The following PHF24 variants were observed in gnomAD, a reference collection of about 807,000 sequenced individuals.
The protein encoded by PHF24 is PHD finger protein 24.
Under a neutral mutation model 42.6 loss-of-function variants are expected in PHF24, and 25 were observed. That is an observed-to-expected ratio of 0.59 (90% CI 0.43 to 0.82). The LOEUF (loss-of-function observed/expected upper bound fraction) is 0.82. Ranked by LOEUF, PHF24 falls within the 40% of genes least tolerant of loss-of-function variation. PHF24 has a pLI of 0.00. For synonymous variants in PHF24, 185 were observed against 204.8 expected (o/e 0.90, Z 0.83); for missense variants, 470 against 538.1 (o/e 0.87, Z 1.25).
the PHF24 span, among the ~76,000 whole-genome samples, chr9:34,904,667 A>C: frequency 6.6e-6 from 1 of 150,956 alleles, no homozygotes; most frequent in South Asian, 2.1e-4. Flanking sequence ...CTCATCAAGG[A>C]TATCAGTCTG....
At chr9:34,731,487 C>T in the PHF24 span, among the ~76,000 whole-genome samples, 2 of 152,104 alleles carry the variant, frequency 1.3e-5, no homozygotes, top group African/African-American at 4.8e-5. Context: ...TCATTCTATT[C>T]TCTATCTCCA....
the PHF24 span, among the ~76,000 whole-genome samples, chr9:34,945,200 C>G: frequency 6.6e-6 from 1 of 152,196 alleles, no homozygotes; most frequent in African/African-American, 2.4e-5. Context: ...CCAAGTACCA[C>G]CCAAGAGGGA....
the PHF24 span, among the ~76,000 whole-genome samples, chr9:34,828,956 T>C: frequency 2.0e-4 from 31 of 152,206 alleles, no homozygotes; most frequent in Admixed American, 1.8e-3. Context: ...TATGTCTGTC[T>C]GTCATCTGCA....
intron 3 of PHF24, among the ~76,000 whole-genome samples, chr9:34,973,997 ATCTTCT>A (rs142417920): frequency 9.9e-5 from 15 of 151,434 alleles, no homozygotes; most frequent in Admixed American, 9.9e-4. Flanking sequence ...CAGCCAACAA[ATCTTCT>A]TCTTCTTTTT....
chr9:34,941,204 G>T, the PHF24 span, among the ~76,000 whole-genome samples: 1 of 152,150 alleles, frequency 6.6e-6, no homozygotes, highest in Non-Finnish European at 1.5e-5. Context: ...GCATCCTAAA[G>T]GATGGTGCCC....
the PHF24 span, among the ~76,000 whole-genome samples, chr9:34,675,073 G>A: frequency 6.6e-6 from 1 of 152,158 alleles, no homozygotes; most frequent in Non-Finnish European, 1.5e-5. Flanking sequence ...GCCCAGGCTG[G>A]TGTCAAACTC....
At chr9:34,816,674 A>G in the PHF24 span, among the ~76,000 whole-genome samples, 2 of 152,220 alleles carry the variant, frequency 1.3e-5, no homozygotes, top group Admixed American at 1.3e-4. Flanking sequence ...TGAGCCTCCC[A>G]AAGTCTCCAC....
the PHF24 span, among the ~76,000 whole-genome samples, chr9:34,673,448 A>G: frequency 2.0e-5 from 3 of 151,348 alleles, no homozygotes; most frequent in South Asian, 6.3e-4. Flanking sequence ...TCTTCTCCTT[A>G]ATGAGAAGCT....
At chr9:34,975,140 G>T (rs1366661924) in intron 3 of PHF24, among the ~76,000 whole-genome samples, 1 of 152,074 alleles carries the variant, frequency 6.6e-6, no homozygotes, top group African/African-American at 2.4e-5. Flanking sequence ...GCTCCCTTTT[G>T]CCCTCAGAAT....
chr9:34,837,592 G>C, the PHF24 span: 4 of 1,302,228 alleles, frequency 3.1e-6, no homozygotes, highest in South Asian at 3.8e-5. Flanking sequence ...GGTCATAGAG[G>C]GACAGGATTC....
the PHF24 span, among the ~76,000 whole-genome samples, chr9:34,890,047 A>G: frequency 6.6e-6 from 1 of 152,184 alleles, no homozygotes; most frequent in Non-Finnish European, 1.5e-5. Context: ...GCCAGTACTG[A>G]GAGGATGGAA....
chr9:34,760,134 C>T, the PHF24 span, among the ~76,000 whole-genome samples: 39 of 152,310 alleles, frequency 2.6e-4, no homozygotes, highest in East Asian at 6.4e-3. Context: ...TCTGTGGACG[C>T]TGGAGGGCTG....
the PHF24 span, among the ~76,000 whole-genome samples, chr9:34,810,041 A>G: frequency 1.3e-5 from 2 of 151,090 alleles, no homozygotes; most frequent in East Asian, 3.9e-4. Flanking sequence ...CCACGCCTCA[A>G]CTCGGCAGCT....
At chr9:34,820,751 A>G in the PHF24 span, among the ~76,000 whole-genome samples, 1 of 152,192 alleles carries the variant, frequency 6.6e-6, no homozygotes, top group Non-Finnish European at 1.5e-5. Context: ...GTATATACCC[A>G]ATAACGGGAT....
the PHF24 span, among the ~76,000 whole-genome samples, chr9:34,941,405 G>C: frequency 6.6e-6 from 1 of 152,174 alleles, no homozygotes; most frequent in African/African-American, 2.4e-5. Context: ...CTAATGCTCT[G>C]TGGGATTGTA....
At chr9:34,778,580 T>A in the PHF24 span, among the ~76,000 whole-genome samples, 10 of 152,218 alleles carry the variant, frequency 6.6e-5, no homozygotes, top group Non-Finnish European at 1.0e-4. Flanking sequence ...GTAACACATA[T>A]AAATGTATGC....
the PHF24 span, among the ~76,000 whole-genome samples, chr9:34,947,804 CAT>C: frequency 2.0e-5 from 3 of 152,106 alleles, no homozygotes; most frequent in Non-Finnish European, 4.4e-5. Flanking sequence ...GTTAAATAAA[CAT>C]GTTAAAAATA....
At chr9:34,933,082 CCCAAGTATATGATACTACATGCATGCCA>C in the PHF24 span, among the ~76,000 whole-genome samples, 1 of 151,648 alleles carries the variant, frequency 6.6e-6, no homozygotes, top group Non-Finnish European at 1.5e-5. Flanking sequence ...GCCTCAGCCT[CCCAAGTATATGATACTACATGCATGCCA>C]CCACGCCCTG....
the PHF24 span, among the ~76,000 whole-genome samples, chr9:34,737,957 CT>C: frequency 0.019 from 2,801 of 144,258 alleles, 71 homozygotes; most frequent in African/African-American, 0.058. Flanking sequence ...TTTTGTCTAG[CT>C]TTTTTTTTTT....
Sources: allele counts gnomAD v4.1 joint callset (sites outside exome capture counted in the v4.1 genomes callset), GRCh38; gene constraint gnomAD v4.1.1; transcripts MANE v1.5; gene names NCBI Gene and HGNC (gene_info 2026-07-23, HGNC 2026-07-21).